Variants in CLIP4 observed in about 807,000 individuals in gnomAD.
CLIP4 encodes the protein CAP-Gly domain-containing linker protein 4.
CLIP4 carries 47 observed loss-of-function variants against 73.1 expected under a neutral mutation model. The ratio of observed to expected loss-of-function variants is 0.64; its 90% confidence interval spans 0.51 to 0.82. The LOEUF is 0.82. Among genes scored for constraint, CLIP4 ranks in the 40% least tolerant of loss-of-function variants. The pLI is 0.00. For synonymous variants in CLIP4, 306 were observed against 295.4 expected (o/e 1.04, Z -0.37); for missense variants, 874 against 852.9 (o/e 1.02, Z -0.31).
At chr2:29,176,519 G>A (rs116830727) in intron 15 of CLIP4, among the ~76,000 whole-genome samples, 4 of 152,226 alleles carry the variant, frequency 2.6e-5, no homozygotes, top group African/African-American at 4.8e-5. Context: ...GATTTTTCTC[G>A]ATCACGTATA....
intron 9 of CLIP4, among the ~76,000 whole-genome samples, chr2:29,154,061 T>C (rs765487165): frequency 6.6e-6 from 1 of 152,228 alleles, no homozygotes; most frequent in Non-Finnish European, 1.5e-5. Context: ...TTAGAATATC[T>C]TTCTGTTTAA....
chr2:29,108,721 C>T (rs1031674581), intron 1 of CLIP4, among the ~76,000 whole-genome samples: 5 of 152,202 alleles, frequency 3.3e-5, no homozygotes, highest in African/African-American at 7.2e-5. Flanking sequence ...ATTTTTCATA[C>T]GTACTTCAGT....
chr2:29,145,423 C>G, intron 8 of CLIP4, 56 bp downstream of exon 8: 1 of 1,433,086 alleles, frequency 7.0e-7, no homozygotes, highest in Non-Finnish European at 9.6e-7. Context: ...TCAAGTTTTA[C>G]TCTTTTACAG....
chr2:29,126,266 T>G (rs1664594679), intron 2 of CLIP4, among the ~76,000 whole-genome samples: 1 of 152,252 alleles, frequency 6.6e-6, no homozygotes, highest in African/African-American at 2.4e-5. Flanking sequence ...TATTTTCCTT[T>G]ATGGAAGTTG....
chr2:29,131,647 C>A, intron 3 of CLIP4: 1 of 320,350 alleles, frequency 3.1e-6, no homozygotes, highest in Non-Finnish European at 5.6e-6. Flanking sequence ...TTTCATATTT[C>A]CTTCTTTGTA....
intron 12 of CLIP4, among the ~76,000 whole-genome samples, chr2:29,161,996 A>G (rs181672250): frequency 5.9e-5 from 9 of 152,338 alleles, no homozygotes; most frequent in Non-Finnish European, 1.0e-4. Context: ...TTTATAATTC[A>G]TGACTTTCTT....
intron 8 of CLIP4, among the ~76,000 whole-genome samples, chr2:29,150,305 G>A (rs1666467994): frequency 6.6e-6 from 1 of 152,144 alleles, no homozygotes; most frequent in Non-Finnish European, 1.5e-5. Flanking sequence ...ACAAAAAGGT[G>A]GAGAGGGCTA....
At chr2:29,169,329 CTGTGTGTGTGTGTGTGTG>C (rs70958249) in intron 14 of CLIP4, among the ~76,000 whole-genome samples, 23 of 140,424 alleles carry the variant, frequency 1.6e-4, no homozygotes, top group Admixed American at 2.8e-4. Context: ...GTCTTTTTCA[CTGTGTGTGTGTGTGTGTG>C]TGTGTGTGTG....
chr2:29,174,906 G>A (rs143538925), intron 15 of CLIP4, among the ~76,000 whole-genome samples: 4 of 152,018 alleles, frequency 2.6e-5, no homozygotes, highest in African/African-American at 7.2e-5. Flanking sequence ...TTGTTGCAGA[G>A]AGAATGCCCT....
At chr2:29,127,149 C>T (rs140512122) in intron 2 of CLIP4, among the ~76,000 whole-genome samples, 4 of 152,112 alleles carry the variant, frequency 2.6e-5, no homozygotes, top group African/African-American at 9.6e-5. Flanking sequence ...CTCAAGTATG[C>T]CATTCCAGTC....
chr2:29,112,530 C>T (rs1356217721), upstream of CLIP4, among the ~76,000 whole-genome samples: 2 of 152,220 alleles, frequency 1.3e-5, no homozygotes, highest in African/African-American at 2.4e-5. Flanking sequence ...TTGTCTGTTA[C>T]ATTTCCCAGT....
intron 14 of CLIP4, among the ~76,000 whole-genome samples, chr2:29,168,490 G>A (rs1435910719): frequency 7.1e-6 from 1 of 141,564 alleles, no homozygotes; most frequent in Non-Finnish European, 1.5e-5. Context: ...AGTCAAAATA[G>A]CAAAACAGGT....
At chr2:29,155,985 G>A (rs1161073107) in intron 9 of CLIP4, among the ~76,000 whole-genome samples, 1 of 152,174 alleles carries the variant, frequency 6.6e-6, no homozygotes, top group African/African-American at 2.4e-5. Flanking sequence ...CTCTGTTCCA[G>A]CCAAGCTACT....
At chr2:29,137,567 T>G (rs1665456982) in intron 6 of CLIP4, among the ~76,000 whole-genome samples, 1 of 152,184 alleles carries the variant, frequency 6.6e-6, no homozygotes, top group Admixed American at 6.5e-5. Context: ...AAATGGTAAT[T>G]CTGTTTTTAG....
At chr2:29,125,422 G>A (rs892060428) in intron 2 of CLIP4, among the ~76,000 whole-genome samples, 10 of 152,182 alleles carry the variant, frequency 6.6e-5, no homozygotes, top group African/African-American at 2.4e-4. Flanking sequence ...CTCTTGGAGT[G>A]TGTGCATCCA....
chr2:29,143,873 T>C lies in CLIP4; in HGVS notation c.813T>C (p.His271=), dbSNP rs1665961870. Residue 271 remains histidine (H), a synonymous_variant, in exon 7 of 16, where the codon CAT becomes CAC. Coordinates refer to ENST00000320081, the MANE Select transcript of CLIP4 (RefSeq NM_024692.6). ...AGGCCATGCTCCCAAATTATGATCATGTCACTGGCAAGGCAATGCTTACGT... is the reference window on the plus strand; with the variant it reads ...AGGCCATGCTCCCAAATTATGATCACGTCACTGGCAAGGCAATGCTTACGT... ...ISKAMLPNYD[H]VTGKAMLTSL... 1 of 1,614,176 alleles carries C rather than the reference T, an allele frequency of 6.2e-7. No homozygotes were observed. The highest frequency in any genetic ancestry group is 8.5e-7 in the Non-Finnish European group (1 of 1,180,014).
chr2:29,142,776 A>G (rs1329565761), intron 6 of CLIP4, among the ~76,000 whole-genome samples: 1 of 152,254 alleles, frequency 6.6e-6, no homozygotes, highest in African/African-American at 2.4e-5. Context: ...AGTTAACAAA[A>G]GTATCTTTAT....
intron 9 of CLIP4, among the ~76,000 whole-genome samples, chr2:29,153,525 T>A (rs571626577): frequency 6.6e-6 from 1 of 152,186 alleles, no homozygotes; most frequent in Non-Finnish European, 1.5e-5. Context: ...ACCCAATTGT[T>A]ATTTGTTATC....
At chr2:29,127,217 T>C (rs1664664867) in intron 2 of CLIP4, among the ~76,000 whole-genome samples, 1 of 152,120 alleles carries the variant, frequency 6.6e-6, no homozygotes, top group African/African-American at 2.4e-5. Flanking sequence ...TCTGAATTCC[T>C]TAAAACTGTC....
Sources: gnomAD v4.1 joint callset for allele counts (sites outside exome capture counted in the v4.1 genomes callset) on GRCh38, gnomAD v4.1.1 for gene constraint, MANE v1.5 for transcripts, NCBI Gene and HGNC (gene_info 2026-07-23, HGNC 2026-07-21) for gene names.